Variants in MIB1 observed in about 807,000 individuals in gnomAD.
MIB1 encodes the protein E3 ubiquitin-protein ligase MIB1.
A neutral mutation model predicts 124.5 loss-of-function variants in MIB1; 278 were observed. The observed-to-expected ratio is 2.23, with a 90% CI of 2.02 to 2.47. The LOEUF (loss-of-function observed/expected upper bound fraction) is 2.47, where lower values mean the gene tolerates loss of function less well. Ranked by LOEUF, MIB1 falls within the 30% of genes most tolerant of loss-of-function variation. MIB1 has a pLI of 0.00. For missense variants in MIB1, 957 were observed against 1,254.4 expected, an observed-to-expected ratio of 0.76 and a Z score of 3.58; for synonymous variants, 446 against 429.4, an observed-to-expected ratio of 1.04 and a Z score of -0.48.
At chr18:21,754,087 A>C (rs1598592974) in intron 1 of MIB1, among the ~76,000 whole-genome samples, 1 of 152,214 alleles carries the variant, frequency 6.6e-6, no homozygotes, top group Admixed American at 6.5e-5. Flanking sequence ...CTCCTTTGCC[A>C]GTTGGATCCC....
Position 21,864,608 on chromosome 18 carries a change from G to T in MIB1, c.2963G>T (p.Arg988Leu), listed in dbSNP as rs775477290. 1 of 1,613,090 alleles carries T rather than the reference G, an allele frequency of 6.2e-7. No individual in the cohort carries two copies. The highest frequency in any genetic ancestry group is 1.3e-5 in the African/African-American group (1 of 75,030). ...GGAACCTGTCAACTCTGTGGAGACCGCATGAGTGAATGTCCTATCTGTCGC... is the reference window on the plus strand; with the variant it reads ...GGAACCTGTCAACTCTGTGGAGACCTCATGAGTGAATGTCCTATCTGTCGC... ...GHGTCQLCGD[R>L]MSECPICRKA... Residue 988 changes from arginine to leucine, a missense_variant, in exon 21 of 21, where the codon CGC becomes CTC. Transcript: ENST00000261537.
chr18:21,711,009 T>C (rs966181347), intron 1 of MIB1, among the ~76,000 whole-genome samples: 3 of 151,984 alleles, frequency 2.0e-5, no homozygotes, highest in African/African-American at 7.3e-5. Flanking sequence ...GTATTTTTAG[T>C]AGAGACAGGG....
chr18:21,743,597 A>G (rs899835073), intron 1 of MIB1, among the ~76,000 whole-genome samples: 7 of 151,174 alleles, frequency 4.6e-5, no homozygotes, highest in African/African-American at 1.7e-4. Flanking sequence ...ACTGCCAGCA[A>G]CAGTGTTTGA....
At chr18:21,843,586 C>A (rs538648673) in intron 14 of MIB1, among the ~76,000 whole-genome samples, 1 of 152,128 alleles carries the variant, frequency 6.6e-6, no homozygotes, top group Non-Finnish European at 1.5e-5. Flanking sequence ...AAACACTGTT[C>A]GTATTTATTG....
intron 4 of MIB1, among the ~76,000 whole-genome samples, chr18:21,774,432 A>G (rs2041257118): frequency 6.6e-6 from 1 of 152,206 alleles, no homozygotes; most frequent in Non-Finnish European, 1.5e-5. Flanking sequence ...TTACTAAAAT[A>G]CAAAAATTAG....
At chr18:21,791,650 A>T in intron 7 of MIB1, 93 bp downstream of exon 7, 2 of 1,044,802 alleles carry the variant, frequency 1.9e-6, no homozygotes, top group Non-Finnish European at 2.8e-6. Context: ...ATTGGCATAA[A>T]ACTTCTTAGA....
chr18:21,804,068 C>G, intron 10 of MIB1, 54 bp downstream of exon 10: 5 of 1,215,506 alleles, frequency 4.1e-6, no homozygotes, highest in Non-Finnish European at 6.0e-6. Flanking sequence ...AGAAATAATA[C>G]TTCTATATCA....
At chr18:21,812,155 T>C (rs904737002) in intron 10 of MIB1, among the ~76,000 whole-genome samples, 2 of 152,130 alleles carry the variant, frequency 1.3e-5, no homozygotes, top group African/African-American at 4.8e-5. Flanking sequence ...CTGAGTTTTA[T>C]GAGATATCTA....
Position 21,868,615 on chromosome 18 carries a change from T to C in MIB1, c.*3949T>C, listed in dbSNP as rs2042336568. On this transcript the variant is annotated 3_prime_UTR_variant, in exon 21 of 21. Transcript: ENST00000261537. ...GCCTTGTTGGAAGTGTCAACTGTCT[T>C]TATGTCTGCTTGTAAAAGTTTCAAA... The C allele has an allele frequency of 6.6e-6, 1 of 152,450 alleles. No individual in the cohort carries two copies. Among genetic ancestry groups the C allele is most frequent in the Non-Finnish European group, 1.5e-5 (1 of 67,896 alleles). The allele number at this position is 152,450 out of a possible 1,614,324, so 9.4% of individuals were successfully genotyped here. A position where few individuals can be genotyped will look rare whatever the true frequency, so the allele number is the denominator to read the frequency against.
intron 1 of MIB1, among the ~76,000 whole-genome samples, chr18:21,742,423 C>G (rs1305490962): frequency 6.6e-6 from 1 of 152,024 alleles, no homozygotes; most frequent in Admixed American, 6.6e-5. Flanking sequence ...ATCCTGAGCT[C>G]TTGAACCATT....
In MIB1 at chr18:21,817,709, C is replaced by A. The variant is rs985313023; in HGVS notation, c.1678-1786C>A. On this transcript the variant is annotated intron_variant, in intron 11 of 20. Coordinates refer to ENST00000261537, the MANE Select transcript of MIB1 (RefSeq NM_020774.4). ...GCATAGGGCTCTGCCCCATGATGTA[C>A]AGTCCCTTTCCTCAGTGTTGGAGAT... The A allele has an allele frequency of 1.4e-5, 6 of 444,352 alleles. No individual in the cohort carries two copies. The Admixed American group carries it at 1.4e-4, about 11-fold the overall frequency. 27.5% of individuals were successfully genotyped at this position (444,352 alleles called of 1,614,324 possible). A position where few individuals can be genotyped will look rare whatever the true frequency, so the allele number is the denominator to read the frequency against.
chr18:21,735,017 G>A (rs1369512183), intron 1 of MIB1, among the ~76,000 whole-genome samples: 1 of 152,180 alleles, frequency 6.6e-6, no homozygotes, highest in Non-Finnish European at 1.5e-5. Flanking sequence ...TTCCTTTTGG[G>A]TAAGTACTGA....
chr18:21,855,772 A>G (rs192228670), intron 18 of MIB1, among the ~76,000 whole-genome samples: 56 of 152,328 alleles, frequency 3.7e-4, no homozygotes, highest in African/African-American at 1.3e-3. Context: ...ATATTCTGCC[A>G]TGGTTCCCAT....
chr18:21,740,686 G>T (rs1486503278), upstream of MIB1, among the ~76,000 whole-genome samples: 2 of 152,202 alleles, frequency 1.3e-5, no homozygotes, highest in Admixed American at 6.5e-5. Context: ...CGGCACCACC[G>T]GGCGGCAACT....
chr18:21,798,183 T>C lies in MIB1; in HGVS notation c.1192T>C (p.Ser398Pro). Residue 398 changes from serine to proline, a missense_variant, in exon 8 of 21, where the codon TCC becomes CCC. Coordinates refer to ENST00000261537, the MANE Select transcript of MIB1 (RefSeq NM_020774.4). ...TTGGACATACAATCCAGCAGCAGTT[T>C]CCAAGGTGGCATCTGCAGGATCAGC... is the stretch of plus-strand genomic sequence containing the variant. ...TSWTYNPAAV[S>P]KVASAGSAIS... 1 of 1,613,352 alleles carries C rather than the reference T, an allele frequency of 6.2e-7. No homozygotes were observed. Among genetic ancestry groups the C allele is most frequent in the Non-Finnish European group, 8.5e-7 (1 of 1,179,444 alleles).
chr18:21,766,089 C>A, intron 2 of MIB1, 146 bp downstream of exon 2: 1 of 696,842 alleles, frequency 1.4e-6, no homozygotes, highest in Non-Finnish European at 2.4e-6. Context: ...TAGAAGTGGA[C>A]CAAATCTGCC....
At chr18:21,726,970 T>C (rs986621823) in intron 1 of MIB1, among the ~76,000 whole-genome samples, 1 of 152,202 alleles carries the variant, frequency 6.6e-6, no homozygotes, top group Non-Finnish European at 1.5e-5. Flanking sequence ...ATCCTGGTTC[T>C]GCTCTCAAGG....
chr18:21,839,006 G>A (rs1165856438), intron 13 of MIB1, among the ~76,000 whole-genome samples: 3 of 152,104 alleles, frequency 2.0e-5, no homozygotes, highest in Non-Finnish European at 2.9e-5. Flanking sequence ...ATGACACTAC[G>A]TTTTTATGAG....
chr18:21,851,811 C>T (rs1411419385), intron 17 of MIB1, among the ~76,000 whole-genome samples: 1 of 152,140 alleles, frequency 6.6e-6, no homozygotes, highest in Non-Finnish European at 1.5e-5. Context: ...AGTAACTCCA[C>T]TCCTGGAAGT....
Sources: gnomAD v4.1 joint callset for allele counts (sites outside exome capture counted in the v4.1 genomes callset) on GRCh38, gnomAD v4.1.1 for gene constraint, MANE v1.5 for transcripts, NCBI Gene and HGNC (gene_info 2026-07-23, HGNC 2026-07-21) for gene names.